FSTL4: variants seen among roughly 807,000 people sequenced by gnomAD.
FSTL4 encodes the protein follistatin-related protein 4.
Under a neutral mutation model 78.2 loss-of-function variants are expected in FSTL4, and 28 were observed. The observed-to-expected ratio is 0.36, with a 90% CI of 0.27 to 0.49. The LOEUF is 0.49. FSTL4 is among the 20% of genes least tolerant of loss of function. The pLI is 0.98. For synonymous variants in FSTL4, 422 were observed against 440.5 expected (o/e 0.96, Z 0.53); for missense variants, 922 against 1,084.9 (o/e 0.85, Z 2.11).
At chr5:133,360,612 G>A (rs2126934212) in intron 4 of FSTL4, among the ~76,000 whole-genome samples, 1 of 151,784 alleles carries the variant, frequency 6.6e-6, no homozygotes, top group East Asian at 1.9e-4. Flanking sequence ...CTATTGATGT[G>A]ATTACAGTTT....
chr5:133,648,741 C>G, the FSTL4 span, among the ~76,000 whole-genome samples: 2 of 152,110 alleles, frequency 1.3e-5, no homozygotes, highest in African/African-American at 4.8e-5. Flanking sequence ...AGGTTCCCAA[C>G]AAAATTGAAC....
At chr5:133,792,177 C>G in the FSTL4 span, among the ~76,000 whole-genome samples, 1 of 152,178 alleles carries the variant, frequency 6.6e-6, no homozygotes, top group African/African-American at 2.4e-5. Flanking sequence ...CATGATGCAG[C>G]TGACCTGTGT....
At chr5:133,533,585 G>C (rs1460596194) in intron 3 of FSTL4, among the ~76,000 whole-genome samples, 1 of 152,134 alleles carries the variant, frequency 6.6e-6, no homozygotes, top group Non-Finnish European at 1.5e-5. Context: ...GTGGTAATTT[G>C]TTACAGCAGC....
At chr5:133,728,241 A>G in the FSTL4 span, among the ~76,000 whole-genome samples, 2 of 152,242 alleles carry the variant, frequency 1.3e-5, no homozygotes, top group South Asian at 2.1e-4. Context: ...CACTCAGCAA[A>G]TAACTGTTGC....
At chr5:133,650,843 A>G in the FSTL4 span, among the ~76,000 whole-genome samples, 1 of 152,178 alleles carries the variant, frequency 6.6e-6, no homozygotes, top group Admixed American at 6.5e-5. Context: ...GTTGGACAAA[A>G]CTAACGTCTT....
At chr5:133,213,324 A>G (rs1015193124) in intron 13 of FSTL4, among the ~76,000 whole-genome samples, 30 of 152,174 alleles carry the variant, frequency 2.0e-4, no homozygotes, top group Non-Finnish European at 3.2e-4. Context: ...AAGTAAAGTA[A>G]AGATATTTGA....
intron 3 of FSTL4, among the ~76,000 whole-genome samples, chr5:133,484,488 C>T (rs559850215): frequency 6.6e-6 from 1 of 152,270 alleles, no homozygotes; most frequent in South Asian, 2.1e-4. Context: ...GCTTTATTCT[C>T]TTACATTTAC....
chr5:133,590,639 G>A (rs1247944070), intron 2 of FSTL4, among the ~76,000 whole-genome samples: 3 of 152,166 alleles, frequency 2.0e-5, no homozygotes, highest in African/African-American at 7.2e-5. Context: ...CACAGGATAT[G>A]TATCTCTGGA....
At chr5:133,803,468 C>A in the FSTL4 span, among the ~76,000 whole-genome samples, 5 of 152,176 alleles carry the variant, frequency 3.3e-5, no homozygotes, top group African/African-American at 1.2e-4. Context: ...TGTTTCCCCA[C>A]CTTAGGAAGC....
At chr5:133,741,667 G>A in the FSTL4 span, among the ~76,000 whole-genome samples, 1 of 152,114 alleles carries the variant, frequency 6.6e-6, no homozygotes, top group Non-Finnish European at 1.5e-5. Context: ...CTGCCCAAGT[G>A]GGAAACATGA....
the FSTL4 span, among the ~76,000 whole-genome samples, chr5:133,711,088 A>T: frequency 1.3e-5 from 2 of 152,124 alleles, no homozygotes; most frequent in African/African-American, 4.8e-5. Flanking sequence ...TCAGTCAGAG[A>T]ATTTAAGTAC....
rs1381536540 is a variant in FSTL4, at chr5:133,225,839, C to T, written c.1016-20G>A. On this transcript the variant is annotated intron_variant, in intron 8 of 15. Transcript: ENST00000265342. This position sits in a 1 kb window ranked among gnomAD's most constrained non-coding sequence, Gnocchi z 4.6. ...GCGGCACTGTGGGTGAGAGTCAGTG[C>T]TGGTGAGAAAGAGACGGCCCTGACC... is the stretch of plus-strand genomic sequence containing the variant. The T allele has an allele frequency of 1.3e-6, 2 of 1,526,914 alleles. No individual in the cohort carries two copies. Among genetic ancestry groups the T allele is most frequent in the East Asian group, 4.6e-5 (2 of 43,050 alleles). The allele number at this position is 1,526,914 out of a possible 1,614,324, so 94.6% of individuals were successfully genotyped here.
the FSTL4 span, among the ~76,000 whole-genome samples, chr5:133,744,202 T>A: frequency 6.6e-6 from 1 of 152,146 alleles, no homozygotes; most frequent in Non-Finnish European, 1.5e-5. Context: ...ATCATGATGA[T>A]CTTAAATGCC....
intron 13 of FSTL4, among the ~76,000 whole-genome samples, chr5:133,212,790 C>T (rs1443301694): frequency 6.6e-6 from 1 of 151,836 alleles, no homozygotes; most frequent in Admixed American, 6.6e-5. Context: ...TTGTAAATCC[C>T]AAATCATAAT....
chr5:133,763,489 G>A, the FSTL4 span, among the ~76,000 whole-genome samples: 277 of 152,158 alleles, frequency 1.8e-3, no homozygotes, highest in African/African-American at 6.2e-3. Flanking sequence ...CTCTCATGAC[G>A]GTCCCACAGC....
intron 3 of FSTL4, among the ~76,000 whole-genome samples, chr5:133,412,751 G>C (rs1756503256): frequency 6.6e-6 from 1 of 151,882 alleles, no homozygotes; most frequent in Non-Finnish European, 1.5e-5. Flanking sequence ...CATTCTTTTG[G>C]TTTATCTCAC....
chr5:133,546,914 A>G (rs1759586567), intron 3 of FSTL4, among the ~76,000 whole-genome samples: 1 of 152,174 alleles, frequency 6.6e-6, no homozygotes, highest in African/African-American at 2.4e-5. Flanking sequence ...GAAGAATACA[A>G]GAGATATGGG....
chr5:133,544,986 TTGTCCCTGGTTTCTGAAAGG>T (rs1389670535), intron 3 of FSTL4, among the ~76,000 whole-genome samples: 3 of 152,198 alleles, frequency 2.0e-5, no homozygotes, highest in African/African-American at 7.2e-5. Flanking sequence ...TGACTGGTAT[TTGTCCCTGGTTTCTGAAAGG>T]GAGAAAATCC....
chr5:133,770,097 T>G, the FSTL4 span, among the ~76,000 whole-genome samples: 1 of 151,942 alleles, frequency 6.6e-6, no homozygotes, highest in Non-Finnish European at 1.5e-5. Context: ...TGTGTGTGGG[T>G]GTGTGTGTGT....
Sources: gnomAD v4.1 joint callset for allele counts (sites outside exome capture counted in the v4.1 genomes callset) on GRCh38, gnomAD v4.1.1 for gene constraint, Gnocchi (gnomAD v3.1) non-coding constraint, MANE v1.5 for transcripts, NCBI Gene and HGNC (gene_info 2026-07-23, HGNC 2026-07-21) for gene names.